The following TSHZ2 variants were observed in gnomAD, a reference collection of about 807,000 sequenced individuals.
The protein encoded by TSHZ2 is teashirt zinc finger homeobox 2.
In TSHZ2, 21 loss-of-function variants were observed where a neutral mutation model predicts 74.4. That is an observed-to-expected ratio of 0.28 (90% CI 0.20 to 0.41). The LOEUF (loss-of-function observed/expected upper bound fraction) is 0.41. TSHZ2 is among the 10% of genes least tolerant of loss of function. The pLI is 1.00. For synonymous variants in TSHZ2, 540 were observed against 515.3 expected (o/e 1.05, Z -0.65); for missense variants, 1,244 against 1,293.5 (o/e 0.96, Z 0.59).
intron 2 of TSHZ2, among the ~76,000 whole-genome samples, chr20:53,371,813 T>C (rs1253326425): frequency 6.6e-6 from 1 of 150,614 alleles, no homozygotes; most frequent in Non-Finnish European, 1.5e-5. Flanking sequence ...GAGGCGGGTG[T>C]TGCAGTGAGC....
intron 1 of TSHZ2, among the ~76,000 whole-genome samples, chr20:53,125,347 GTTAC>G (rs1205873338): frequency 6.6e-6 from 1 of 152,182 alleles, no homozygotes; most frequent in Non-Finnish European, 1.5e-5. Context: ...CCTTGGGCAT[GTTAC>G]TTACTCTCTC....
chr20:53,040,143 G>C (rs1440263706), intron 1 of TSHZ2, among the ~76,000 whole-genome samples: 2 of 152,160 alleles, frequency 1.3e-5, no homozygotes, highest in Admixed American at 6.5e-5. Context: ...AGGACCTCAG[G>C]GAGAGATGCA....
chr20:53,441,274 T>TATTTA (rs1435094466), intron 2 of TSHZ2, among the ~76,000 whole-genome samples: 17 of 128,284 alleles, frequency 1.3e-4, no homozygotes, highest in Non-Finnish European at 3.3e-5. Context: ...TATTTTATTT[T>TATTTA]ATTTATTTTG....
At chr20:53,296,314 A>G (rs192948949) in intron 2 of TSHZ2, among the ~76,000 whole-genome samples, 1 of 152,354 alleles carries the variant, frequency 6.6e-6, no homozygotes, top group East Asian at 1.9e-4. Flanking sequence ...GTCAGTGTTT[A>G]TTAGTGTGAT....
rs920172159 is a variant in TSHZ2, at chr20:53,420,422, C to T, written c.*9-66722C>T. Among the ~76,000 whole-genome samples, 3 of 152,118 alleles carry T rather than the reference C, an allele frequency of 2.0e-5. No homozygotes were observed. The East Asian group carries it at 5.8e-4, about 29-fold the overall frequency. On this transcript the variant is annotated intron_variant, in intron 2 of 2. Transcript: ENST00000371497. Reference sequence around the variant, plus strand: ...AATTTCATTCCTGGAACACCAAGCTCATAAGACATTCATTGAAAAAAAGTG... The same window carrying T: ...AATTTCATTCCTGGAACACCAAGCTTATAAGACATTCATTGAAAAAAAGTG...
At chr20:53,250,610 C>T (rs938916975) in intron 1 of TSHZ2, among the ~76,000 whole-genome samples, 5 of 152,058 alleles carry the variant, frequency 3.3e-5, no homozygotes, top group Admixed American at 6.6e-5. Context: ...GAGATTTAGT[C>T]GGCTCTGCAG....
At chr20:53,032,254 T>G (rs754229216) in intron 1 of TSHZ2, among the ~76,000 whole-genome samples, 1 of 152,218 alleles carries the variant, frequency 6.6e-6, no homozygotes, top group Non-Finnish European at 1.5e-5. Context: ...TTGACACGTT[T>G]ATAGCTGACG....
chr20:53,398,597 T>G (rs943835597), intron 2 of TSHZ2: 2 of 152,102 alleles, frequency 1.3e-5, no homozygotes, highest in African/African-American at 2.4e-5. Context: ...CAAAAATTGT[T>G]TAAAACATTA....
chr20:53,442,955 C>A (rs1984395272), intron 2 of TSHZ2, among the ~76,000 whole-genome samples: 1 of 152,182 alleles, frequency 6.6e-6, no homozygotes, highest in African/African-American at 2.4e-5. Context: ...TAAGATCAAA[C>A]TTCAGTTTGT....
At chr20:53,310,163 T>A (rs1156362306) in intron 2 of TSHZ2, among the ~76,000 whole-genome samples, 1 of 152,210 alleles carries the variant, frequency 6.6e-6, no homozygotes, top group Non-Finnish European at 1.5e-5. Flanking sequence ...CCTTTGCAGG[T>A]CAGCTAGTCC....
At chr20:53,279,559 G>A (rs1380012726) in intron 2 of TSHZ2, among the ~76,000 whole-genome samples, 1 of 152,052 alleles carries the variant, frequency 6.6e-6, no homozygotes, top group Admixed American at 6.6e-5. Flanking sequence ...TCTCTTTCTC[G>A]TCACCCTGTT....
intron 1 of TSHZ2, among the ~76,000 whole-genome samples, chr20:52,978,517 A>C (rs148998234): frequency 1.2e-4 from 18 of 152,354 alleles, no homozygotes; most frequent in African/African-American, 4.3e-4. Context: ...CCTTTAAAAA[A>C]ACACAGAAAT....
chr20:53,059,468 C>G (rs1984750838), intron 1 of TSHZ2, among the ~76,000 whole-genome samples: 1 of 152,106 alleles, frequency 6.6e-6, no homozygotes. Context: ...CCGTCCCTCC[C>G]CAAATGAAAG....
chr20:53,167,672 T>G (rs922916347), intron 1 of TSHZ2, among the ~76,000 whole-genome samples: 1 of 152,210 alleles, frequency 6.6e-6, no homozygotes, highest in South Asian at 2.1e-4. Context: ...TCATAATGTC[T>G]TAAACATTGC....
intron 2 of TSHZ2, among the ~76,000 whole-genome samples, chr20:53,479,422 A>G (rs531151526): frequency 6.6e-6 from 1 of 152,292 alleles, no homozygotes; most frequent in Admixed American, 6.5e-5. Flanking sequence ...TGTGCGCCAT[A>G]GGCAGACTCA....
rs1463590733 is a variant in TSHZ2 at position 53,179,793 on chromosome 20, T to A, written c.41-73706T>A. Among the ~76,000 whole-genome samples, 3 of 152,182 alleles carry A rather than the reference T, an allele frequency of 2.0e-5. No homozygotes were observed. In the East Asian group the frequency reaches 5.8e-4, roughly 29 times the overall value. ...TAAAATTTAAGTTCAAACTAAAGCG[T>A]GCTGGGGGCCAGAGAAGATAAATGC... On this transcript the variant is annotated intron_variant, in intron 1 of 2. Transcript: ENST00000371497.
At chr20:53,087,169 G>T (rs903734960) in intron 1 of TSHZ2, among the ~76,000 whole-genome samples, 1 of 152,210 alleles carries the variant, frequency 6.6e-6, no homozygotes, top group Admixed American at 6.5e-5. Context: ...GTCATGAATG[G>T]AGAGAAGAAT....
intron 2 of TSHZ2, among the ~76,000 whole-genome samples, chr20:53,330,599 G>A (rs1979685680): frequency 6.6e-6 from 1 of 152,132 alleles, no homozygotes; most frequent in South Asian, 2.1e-4. Flanking sequence ...ACATTTAGGT[G>A]GAGATTGTAT....
chr20:53,048,233 T>C (rs1984298320), intron 1 of TSHZ2, among the ~76,000 whole-genome samples: 1 of 152,198 alleles, frequency 6.6e-6, no homozygotes, highest in Non-Finnish European at 1.5e-5. Flanking sequence ...ACTTCTGGCC[T>C]TTCCCGTTGT....
Sources: gnomAD v4.1 joint callset for allele counts (sites outside exome capture counted in the v4.1 genomes callset) on GRCh38, gnomAD v4.1.1 for gene constraint, MANE v1.5 for transcripts, NCBI Gene and HGNC (gene_info 2026-07-23, HGNC 2026-07-21) for gene names.